RAB3C: variants seen among roughly 807,000 people sequenced by gnomAD.
RAB3C encodes RAB3C, member RAS oncogene family.
In RAB3C, 17 loss-of-function variants were observed where a neutral mutation model predicts 26.4. The ratio of observed to expected loss-of-function variants is 0.64; its 90% CI spans 0.44 to 0.97. The LOEUF (loss-of-function observed/expected upper bound fraction) is 0.97. Among genes scored for constraint, RAB3C ranks in the 50% least tolerant of loss-of-function variants. The probability of loss-of-function intolerance (pLI) is 0.00; values close to 1 mark genes in which losing one functional copy is unlikely to be tolerated. For missense variants in RAB3C, 242 were observed against 281.9 expected, an observed-to-expected ratio of 0.86 and a Z score of 1.01; for synonymous variants, 91 against 95.9, an observed-to-expected ratio of 0.95 and a Z score of 0.30.
chr5:58,846,881 CA>C (rs1744017450), intron 4 of RAB3C: 1 of 152,006 alleles, frequency 6.6e-6, no homozygotes, highest in Admixed American at 6.6e-5. Flanking sequence ...TTTTATCAAA[CA>C]AAACCTTTCC....
chr5:58,738,286 GA>G (rs893770176), intron 3 of RAB3C, among the ~76,000 whole-genome samples: 9 of 150,532 alleles, frequency 6.0e-5, no homozygotes, highest in South Asian at 2.1e-4. Context: ...GAAGATATGT[GA>G]AAAAAAAATG....
chr5:58,803,611 A>C (rs933552479), intron 3 of RAB3C, among the ~76,000 whole-genome samples: 2 of 152,188 alleles, frequency 1.3e-5, no homozygotes, highest in African/African-American at 4.8e-5. Context: ...TGTTAGTGTC[A>C]TATCTGCTGC....
At chr5:58,650,290 T>G (rs1217706602) in intron 2 of RAB3C, among the ~76,000 whole-genome samples, 2 of 152,084 alleles carry the variant, frequency 1.3e-5, no homozygotes, top group Non-Finnish European at 2.9e-5. Flanking sequence ...TTGGGGCTAG[T>G]GATTTAGTAA....
chr5:58,846,342 C>T (rs758809580), intron 4 of RAB3C, among the ~76,000 whole-genome samples: 8 of 152,084 alleles, frequency 5.3e-5, no homozygotes, highest in Non-Finnish European at 1.2e-4. Context: ...CCCATACACC[C>T]CTCTTGATTC....
intron 1 of RAB3C, among the ~76,000 whole-genome samples, chr5:58,615,768 C>T (rs988825852): frequency 2.0e-5 from 3 of 152,044 alleles, no homozygotes; most frequent in Non-Finnish European, 4.4e-5. Context: ...AATGCTTAAG[C>T]TTATGTTTAA....
chr5:58,677,488 A>G (rs557530326), intron 2 of RAB3C, among the ~76,000 whole-genome samples: 1 of 152,344 alleles, frequency 6.6e-6, no homozygotes, highest in Non-Finnish European at 1.5e-5. Flanking sequence ...TCTAAGGAAT[A>G]AGACAGGGGG....
chr5:58,848,535 C>A (rs1413397527), intron 4 of RAB3C: 1 of 152,124 alleles, frequency 6.6e-6, no homozygotes, highest in Admixed American at 6.5e-5. Context: ...CATTTTCTGC[C>A]TCTATTTCAT....
chr5:58,804,968 C>T (rs1405524464), intron 3 of RAB3C, among the ~76,000 whole-genome samples: 1 of 150,334 alleles, frequency 6.7e-6, no homozygotes, highest in Non-Finnish European at 1.5e-5. Context: ...CTAGATATTG[C>T]AGTAGTAAAA....
chr5:58,828,901 CTTTTTT>C (rs762653092), intron 4 of RAB3C, among the ~76,000 whole-genome samples: 1 of 122,432 alleles, frequency 8.2e-6, no homozygotes, highest in African/African-American at 3.1e-5. Context: ...TTTTACCATG[CTTTTTT>C]TTTTTTTTTT....
intron 2 of RAB3C, among the ~76,000 whole-genome samples, chr5:58,658,561 T>C (rs1046335941): frequency 1.1e-4 from 17 of 152,220 alleles, no homozygotes; most frequent in African/African-American, 4.1e-4. Flanking sequence ...ATTGTTTGCA[T>C]CAGTTATCTC....
intron 2 of RAB3C, among the ~76,000 whole-genome samples, chr5:58,693,931 T>A (rs1340286263): frequency 4.6e-5 from 7 of 152,144 alleles, no homozygotes; most frequent in Admixed American, 2.6e-4. Context: ...AATTTTTTTT[T>A]AATTTATATT....
At chr5:58,598,373 A>G (rs1017243863) in intron 1 of RAB3C, among the ~76,000 whole-genome samples, 1 of 151,928 alleles carries the variant, frequency 6.6e-6, no homozygotes, top group South Asian at 2.1e-4. Context: ...CTTTACCCAA[A>G]CACACTTCAA....
chr5:58,649,926 C>T (rs1225642490), intron 2 of RAB3C, among the ~76,000 whole-genome samples: 4 of 152,212 alleles, frequency 2.6e-5, no homozygotes, highest in African/African-American at 9.6e-5. Flanking sequence ...GCAGCACTCT[C>T]TGTTGTTTTT....
chr5:58,761,063 TCACA>T (rs3060342), intron 3 of RAB3C, among the ~76,000 whole-genome samples: 4 of 144,718 alleles, frequency 2.8e-5, no homozygotes, highest in East Asian at 2.0e-4. Context: ...TCTCTCTCTC[TCACA>T]CACACACACA....
intron 3 of RAB3C, among the ~76,000 whole-genome samples, chr5:58,733,796 G>T (rs1223256557): frequency 6.6e-6 from 1 of 152,164 alleles, no homozygotes; most frequent in Non-Finnish European, 1.5e-5. Flanking sequence ...CAAGTACCTG[G>T]CCAGGCTCTT....
At chr5:58,613,638 A>T (rs545519017) in intron 1 of RAB3C, among the ~76,000 whole-genome samples, 1 of 152,274 alleles carries the variant, frequency 6.6e-6, no homozygotes, top group African/African-American at 2.4e-5. Flanking sequence ...CTATGTTCAT[A>T]ACAGTTAATG....
At chr5:58,591,757 A>G (rs1410175212) in intron 1 of RAB3C, among the ~76,000 whole-genome samples, 5 of 150,608 alleles carry the variant, frequency 3.3e-5, no homozygotes, top group Non-Finnish European at 7.4e-5. Context: ...TATCAGTATG[A>G]TTGAATTTAA....
intron 2 of RAB3C, among the ~76,000 whole-genome samples, chr5:58,623,101 G>A (rs1746970196): frequency 6.6e-6 from 1 of 152,216 alleles, no homozygotes; most frequent in African/African-American, 2.4e-5. Flanking sequence ...GGCAGCATGA[G>A]CACTTTGTGC....
In RAB3C at chr5:58,606,866, C is replaced by T. The variant is rs143740039; in HGVS notation, c.25-10777C>T. 6.6e-5 allele frequency among the ~76,000 whole-genome samples: 10 copies of T among 152,208 alleles called. No homozygotes were observed. In the East Asian group the frequency reaches 9.7e-4, roughly 15 times the overall value. ...ACTAACAAACAGAAAGAAATAGCATCGACATCAACAAAAAGGACATCCACA... is the reference window on the plus strand; with the variant it reads ...ACTAACAAACAGAAAGAAATAGCATTGACATCAACAAAAAGGACATCCACA... On this transcript the variant is annotated intron_variant, in intron 1 of 4. Coordinates refer to ENST00000282878, the MANE Select transcript of RAB3C (RefSeq NM_138453.4).
Sources: gnomAD v4.1 joint callset for allele counts (sites outside exome capture counted in the v4.1 genomes callset) on GRCh38, gnomAD v4.1.1 for gene constraint, MANE v1.5 for transcripts, NCBI Gene and HGNC (gene_info 2026-07-23, HGNC 2026-07-21) for gene names.